VPS37A: variants seen among roughly 807,000 people sequenced by gnomAD.
VPS37A encodes the protein vacuolar protein sorting-associated protein 37A.
Under a neutral mutation model 49.8 loss-of-function variants are expected in VPS37A, and 30 were observed. The ratio of observed to expected loss-of-function variants is 0.60; its 90% CI spans 0.45 to 0.82. The LOEUF (loss-of-function observed/expected upper bound fraction) is 0.82, where lower values mean the gene tolerates loss of function less well. Among genes scored for constraint, VPS37A ranks in the 40% least tolerant of loss-of-function variants. VPS37A has a pLI of 0.00. For synonymous variants in VPS37A, 195 were observed against 160.6 expected (o/e 1.21, Z -1.62); for missense variants, 593 against 464.4 (o/e 1.28, Z -2.55).
At position 17,289,306 on chromosome 8, in the gene VPS37A, T is replaced by C. The variant is rs573101099; in HGVS notation, c.*2879T>C. On this transcript the variant is annotated intron_variant, in intron 11 of 11. Transcript: ENST00000324849. Reference sequence around the variant, plus strand: ...TGCCCATGTCCTGAATGGTATTGCCTAGGTTTTCTTCTAGGGTTTTTATGG... The same window carrying C: ...TGCCCATGTCCTGAATGGTATTGCCCAGGTTTTCTTCTAGGGTTTTTATGG... Among the ~76,000 whole-genome samples, 231 of 152,336 alleles carry C rather than the reference T, an allele frequency of 1.5e-3. 1 individual carries two copies. Among genetic ancestry groups the C allele is most frequent in the South Asian group, 4.8e-3 (23 of 4,834 alleles).
At chr8:17,277,910 A>G (rs2150397670) in intron 6 of VPS37A, among the ~76,000 whole-genome samples, 1 of 151,910 alleles carries the variant, frequency 6.6e-6, no homozygotes, top group South Asian at 2.1e-4. Context: ...ACAGACATAT[A>G]CATATGTGTA....
chr8:17,300,005 C>T (rs1301330942), downstream of VPS37A: 1 of 1,614,042 alleles, frequency 6.2e-7, no homozygotes, highest in African/African-American at 1.3e-5. Flanking sequence ...AGATCTGGAT[C>T]TGAACTTTTC....
chr8:17,274,662 A>T (rs1814336118), intron 4 of VPS37A, 71 bp from the exon 5 acceptor site: 1 of 1,284,964 alleles, frequency 7.8e-7, no homozygotes, highest in East Asian at 2.4e-5. Context: ...GTTATTTAGA[A>T]CAATTTAGAA....
the VPS37A span, among the ~76,000 whole-genome samples, chr8:17,330,042 T>C: frequency 6.6e-6 from 1 of 152,192 alleles, no homozygotes; most frequent in Non-Finnish European, 1.5e-5. Flanking sequence ...CAGCAGGTAA[T>C]GCAGCCCCAA....
At chr8:17,284,719 A>G in intron 10 of VPS37A, 103 bp downstream of exon 10, 1 of 1,337,494 alleles carries the variant, frequency 7.5e-7, no homozygotes, top group Admixed American at 2.8e-5. Context: ...TTATGATATC[A>G]TCCCCCTTTT....
downstream of VPS37A, chr8:17,300,199 T>A (rs1179303948): frequency 6.2e-7 from 1 of 1,605,702 alleles, no homozygotes; most frequent in South Asian, 1.1e-5. Flanking sequence ...GCAATTTAAC[T>A]GGACCTTTTG....
rs762481387 is a variant in VPS37A, at chr8:17,295,704, A to G, written c.*718A>G. ...AAATTCTTATGCTAATTTAAAACAT[A>G]TATATATCTGGTAGGTTTGTGGTTG... On this transcript the variant is annotated 3_prime_UTR_variant, in exon 12 of 12. Coordinates refer to ENST00000324849, the MANE Select transcript of VPS37A (RefSeq NM_152415.3). 2.0e-5 allele frequency: 3 copies of G among 152,300 alleles called. No homozygotes were observed. Among genetic ancestry groups the G allele is most frequent in the Non-Finnish European group, 4.4e-5 (3 of 68,008 alleles). 9.4% of individuals were successfully genotyped at this position (152,300 alleles called of 1,614,324 possible).
the VPS37A span, among the ~76,000 whole-genome samples, chr8:17,323,392 CA>C: frequency 6.6e-6 from 1 of 152,014 alleles, no homozygotes; most frequent in South Asian, 2.1e-4. Flanking sequence ...AGTCAATATA[CA>C]AACGGAGCCA....
At chr8:17,306,833 A>G (rs1817486351), downstream of VPS37A, among the ~76,000 whole-genome samples, 1 of 152,334 alleles carries the variant, frequency 6.6e-6, no homozygotes, top group African/African-American at 2.4e-5. Context: ...TAGGCTAGCC[A>G]TATGTAGAAA....
At position 17,246,999 on chromosome 8, in the gene VPS37A, G is replaced by T. The variant is rs984278629; in HGVS notation, c.-246G>T. The T allele has an allele frequency of 7.4e-6, 4 of 539,392 alleles. No individual in the cohort carries two copies. The highest frequency in any genetic ancestry group is 5.9e-5 in the African/African-American group (3 of 51,078). The allele number at this position is 539,392 out of a possible 1,614,324, so 33.4% of individuals were successfully genotyped here. A position where few individuals can be genotyped will look rare whatever the true frequency, so the allele number is the denominator to read the frequency against. On this transcript the variant is annotated 5_prime_UTR_variant, in exon 1 of 12. Coordinates refer to ENST00000324849, the MANE Select transcript of VPS37A (RefSeq NM_152415.3). ...CCCTGGCTGGCCGGTTTGGGCGTCT[G>T]GGCCGTGAAGGTGGGACCTCCTGTT...
the VPS37A span, among the ~76,000 whole-genome samples, chr8:17,319,455 G>A: frequency 1.3e-5 from 2 of 152,192 alleles, no homozygotes; most frequent in East Asian, 1.9e-4. Context: ...GTTAAGGCAC[G>A]AAGTGATCAA....
At chr8:17,326,456 C>T in the VPS37A span, 1 of 152,292 alleles carries the variant, frequency 6.6e-6, no homozygotes, top group Non-Finnish European at 1.5e-5. Flanking sequence ...TATAATGATC[C>T]TTGTGGTCAC....
chr8:17,258,954 T>A (rs1184861731), intron 1 of VPS37A, among the ~76,000 whole-genome samples: 1 of 152,094 alleles, frequency 6.6e-6, no homozygotes, highest in Non-Finnish European at 1.5e-5. Flanking sequence ...AGTTGTCACA[T>A]CTTCTTTTTC....
chr8:17,260,687 A>G (rs905303314), intron 1 of VPS37A, among the ~76,000 whole-genome samples: 2 of 152,004 alleles, frequency 1.3e-5, no homozygotes, highest in Non-Finnish European at 2.9e-5. Context: ...AAAGACTTTG[A>G]TTCTCCTTCA....
intron 9 of VPS37A, among the ~76,000 whole-genome samples, chr8:17,282,073 A>G (rs1328377908): frequency 2.0e-5 from 3 of 152,032 alleles, no homozygotes; most frequent in Non-Finnish European, 4.4e-5. Context: ...TATTTTTCAG[A>G]TGGGTAGTCA....
rs77649683 is a variant in VPS37A, at chr8:17,249,410, A to G, written c.125+2041A>G. Among the ~76,000 whole-genome samples the G allele has an allele frequency of 3.2e-3, 487 of 152,358 alleles. 2 individuals are homozygous for G. The highest frequency in any genetic ancestry group is 0.014 in the Middle Eastern group (4 of 294). On this transcript the variant is annotated intron_variant, in intron 1 of 11. Coordinates refer to ENST00000324849, the MANE Select transcript of VPS37A (RefSeq NM_152415.3). ...ACGTATGATTGGACATGATTACATTAGATAATGTAATTTATTTTGTAGTGT... is the reference window on the plus strand; with the variant it reads ...ACGTATGATTGGACATGATTACATTGGATAATGTAATTTATTTTGTAGTGT...
At chr8:17,270,258 A>G (rs879914517) in intron 4 of VPS37A, among the ~76,000 whole-genome samples, 1 of 152,182 alleles carries the variant, frequency 6.6e-6, no homozygotes. Context: ...TGAATAACAG[A>G]TTACCCTAAA....
chr8:17,277,144 T>G (rs182377320), intron 6 of VPS37A, among the ~76,000 whole-genome samples: 9 of 152,180 alleles, frequency 5.9e-5, no homozygotes, highest in African/African-American at 1.9e-4. Flanking sequence ...ATATATCTCA[T>G]CAAAGATGTA....
At chr8:17,259,327 T>C (rs1812768053) in intron 1 of VPS37A, among the ~76,000 whole-genome samples, 2 of 152,278 alleles carry the variant, frequency 1.3e-5, no homozygotes, top group South Asian at 4.1e-4. Context: ...AATTTCTTTG[T>C]CACCCCATTG....
Sources: allele counts gnomAD v4.1 joint callset (sites outside exome capture counted in the v4.1 genomes callset), GRCh38; gene constraint gnomAD v4.1.1; transcripts MANE v1.5; gene names NCBI Gene and HGNC (gene_info 2026-07-23, HGNC 2026-07-21).